Variants in RTTN observed in about 807,000 individuals in gnomAD.
RTTN encodes the protein rotatin.
In RTTN, 182 loss-of-function variants were observed where a neutral mutation model predicts 269.2. That is an observed-to-expected ratio of 0.68 (90% CI 0.60 to 0.76). The LOEUF (loss-of-function observed/expected upper bound fraction) is 0.76, where lower values mean the gene tolerates loss of function less well. RTTN is among the 30% of genes least tolerant of loss of function. The pLI is 0.00. For synonymous variants in RTTN, 1,006 were observed against 963.5 expected, an observed-to-expected ratio of 1.04 and a Z score of -0.82; for missense variants, 2,545 against 2,608.6, an observed-to-expected ratio of 0.98 and a Z score of 0.53.
At chr18:70,045,437 C>T (rs930802580) in intron 40 of RTTN, among the ~76,000 whole-genome samples, 4 of 152,152 alleles carry the variant, frequency 2.6e-5, no homozygotes, top group African/African-American at 4.8e-5. Context: ...AATATAATTT[C>T]TTCAGATAAT....
chr18:70,020,769 G>C lies in RTTN; in HGVS notation c.5999C>G (p.Ala2000Gly), dbSNP rs780389024. The C allele has an allele frequency of 2.5e-6, 4 of 1,613,974 alleles. No individual in the cohort carries two copies. Among genetic ancestry groups the C allele is most frequent in the South Asian group, 1.1e-5 (1 of 91,070 alleles). ...GTTGCTCACGGCTCCTCTATGTGTA[G>C]CTTGAACAGGGTGTTGTCCACAACT... The part of the protein sequence containing the change: ...WSSCGQHPVQ[A>G]THRGAVSNSL... The change falls in exon 45 of 49, where the codon GCT (alanine) becomes GGT (glycine). Residue 2000 changes from alanine to glycine, a missense_variant. Coordinates refer to ENST00000640769, the MANE Select transcript of RTTN (RefSeq NM_173630.4).
At chr18:70,168,622 A>G (rs540661655) in intron 12 of RTTN, among the ~76,000 whole-genome samples, 43 of 152,228 alleles carry the variant, frequency 2.8e-4, no homozygotes, top group African/African-American at 9.4e-4. Context: ...CTTTTTTGTA[A>G]ATCACTGATG....
chr18:70,067,870 G>T (rs1321849085), intron 34 of RTTN, among the ~76,000 whole-genome samples: 1 of 152,176 alleles, frequency 6.6e-6, no homozygotes, highest in East Asian at 1.9e-4. Flanking sequence ...ACAAAGGTCA[G>T]GCATTAATAA....
intron 28 of RTTN, among the ~76,000 whole-genome samples, chr18:70,103,646 G>A (rs2059237973): frequency 6.6e-6 from 1 of 150,784 alleles, no homozygotes; most frequent in Non-Finnish European, 1.5e-5. Context: ...CTCTGCCTAG[G>A]AAAACCAGAG....
intron 30 of RTTN, among the ~76,000 whole-genome samples, chr18:70,090,469 T>G (rs1050519398): frequency 1.3e-5 from 2 of 152,156 alleles, no homozygotes; most frequent in African/African-American, 4.8e-5. Flanking sequence ...CTTCTTGTAT[T>G]GATGTGAGAT....
intron 45 of RTTN, among the ~76,000 whole-genome samples, chr18:70,018,221 G>A (rs1009917217): frequency 1.2e-4 from 18 of 152,162 alleles, no homozygotes; most frequent in East Asian, 9.6e-4. Context: ...ATGGCTACAC[G>A]TCATTCTATT....
At chr18:70,198,687 T>C (rs1328128575) in intron 5 of RTTN, among the ~76,000 whole-genome samples, 1 of 152,248 alleles carries the variant, frequency 6.6e-6, no homozygotes, top group Non-Finnish European at 1.5e-5. Context: ...TACATTAGAT[T>C]GGATCAGTGG....
intron 30 of RTTN, among the ~76,000 whole-genome samples, chr18:70,089,008 T>C (rs7234376): frequency 0.83 from 126,375 of 152,142 alleles, 55,612 homozygotes; most frequent in East Asian, 1. Flanking sequence ...AGATCCTTTT[T>C]ATTTTTTTCA....
rs1599285448 is a variant in RTTN, at chr18:70,051,511, T to C, written c.5223A>G (p.Thr1741=). 6.2e-7 allele frequency: 1 copy of C among 1,610,270 alleles called. No individual in the cohort carries two copies. Among genetic ancestry groups the C allele is most frequent in the South Asian group, 1.1e-5 (1 of 90,822 alleles). ...ELISAFYHTW[T]HLFNLLAMLL... ...GCATGGCCAGAAGATTAAATAAATG[T>C]GTCCATGTGTGATAAAAAGCTGATA... The change falls in exon 39 of 49, where the codon ACA becomes ACG. Residue 1741 remains threonine, a synonymous_variant. Transcript: ENST00000640769.
Position 70,127,722 on chromosome 18 carries a change from A to C in RTTN, c.3163T>G (p.Leu1055Val). 6.2e-7 allele frequency: 1 copy of C among 1,611,604 alleles called. No homozygotes were observed. The highest frequency in any genetic ancestry group is 8.5e-7 in the Non-Finnish European group (1 of 1,178,366). ...KTQEILDALK[L>V]STEDILTLKI... is the part of the protein sequence containing the mutation. ...AGAGTGAGGATGTCCTCTGTAGATA[A>C]CTTCAATGCATCTAAAATTCTAGAC... The change falls in exon 25 of 49, where the codon TTA (leucine) becomes GTA (valine). Residue 1055 changes from leucine to valine, a missense_variant. Physicochemically the swap from Leu to Val is conservative, Grantham distance 32 (BLOSUM62 1). Transcript: ENST00000640769.
chr18:70,148,791 A>C, intron 17 of RTTN, 110 bp downstream of exon 17: 1 of 1,321,970 alleles, frequency 7.6e-7, no homozygotes, highest in Non-Finnish European at 1.1e-6. Flanking sequence ...TAATGGAATA[A>C]CACCCTCCTT....
intron 4 of RTTN, among the ~76,000 whole-genome samples, chr18:70,199,869 CCTTAA>C (rs2061905995): frequency 6.6e-6 from 1 of 152,168 alleles, no homozygotes; most frequent in Non-Finnish European, 1.5e-5. Context: ...TTAGGGAAAA[CCTTAA>C]CTTTTCAAAA....
At chr18:70,029,877 G>T in intron 42 of RTTN, 135 bp downstream of exon 42, 1 of 617,070 alleles carries the variant, frequency 1.6e-6, no homozygotes. Flanking sequence ...TGCTAATGTA[G>T]AAGTCTCATT....
intron 26 of RTTN, among the ~76,000 whole-genome samples, chr18:70,118,154 T>C (rs2059645898): frequency 6.6e-6 from 1 of 151,230 alleles, no homozygotes; most frequent in Non-Finnish European, 1.5e-5. Context: ...GGAAAAACAA[T>C]AGAAAACAGT....
intron 46 of RTTN, 36 bp from the exon 47 acceptor site, chr18:70,006,520 C>T (rs778544940): frequency 7.6e-6 from 11 of 1,443,162 alleles, no homozygotes; most frequent in Non-Finnish European, 9.8e-6. Flanking sequence ...AAGTTCAGTC[C>T]CAGACACTGC....
rs562841785 is a variant in RTTN, at chr18:70,156,744, G to C, written c.1930-6011C>G. ...TATTTCCCAACCCAGCCGACACTTA[G>C]GGAAAACAGAAAAGAAACTACGTGA... On this transcript the variant is annotated intron_variant, in intron 14 of 48. Coordinates refer to ENST00000640769, the MANE Select transcript of RTTN (RefSeq NM_173630.4). 3.3e-5 allele frequency among the ~76,000 whole-genome samples: 5 copies of C among 152,254 alleles called. No individual in the cohort carries two copies. The South Asian group carries it at 8.3e-4, about 25-fold the overall frequency.
intron 35 of RTTN, among the ~76,000 whole-genome samples, chr18:70,063,797 C>T (rs1167707651): frequency 6.6e-6 from 1 of 151,586 alleles, no homozygotes; most frequent in Non-Finnish European, 1.5e-5. Flanking sequence ...AATTTTCTTG[C>T]TAATTTATTT....
intron 27 of RTTN, 77 bp from the exon 28 acceptor site, chr18:70,109,794 A>C: frequency 8.6e-7 from 1 of 1,159,370 alleles, no homozygotes; most frequent in South Asian, 1.3e-5. Flanking sequence ...TGGCTATAAA[A>C]GGTTACTTAA....
chr18:70,018,862 A>G (rs1199933678), intron 45 of RTTN, among the ~76,000 whole-genome samples: 1 of 135,978 alleles, frequency 7.4e-6, no homozygotes, highest in African/African-American at 2.9e-5. Context: ...TGCTGCTTCT[A>G]AAGATGTTTT....
Sources: gnomAD v4.1 joint callset for allele counts (sites outside exome capture counted in the v4.1 genomes callset) on GRCh38, gnomAD v4.1.1 for gene constraint, MANE v1.5 for transcripts, NCBI Gene and HGNC (gene_info 2026-07-23, HGNC 2026-07-21) for gene names.